The following UBXN8 variants were observed in gnomAD, a reference collection of about 807,000 sequenced individuals.
UBXN8 encodes UBX domain protein 8.
In UBXN8, 27 loss-of-function variants were observed where a neutral mutation model predicts 32.1. The ratio of observed to expected loss-of-function variants is 0.84; its 90% CI spans 0.62 to 1.16. The LOEUF (loss-of-function observed/expected upper bound fraction) is 1.16. UBXN8 is among the 50% of genes most tolerant of loss of function. UBXN8 has a pLI of 0.00. For missense variants in UBXN8, 306 were observed against 311.4 expected (o/e 0.98, Z 0.13); for synonymous variants, 109 against 111.8 (o/e 0.98, Z 0.16).
intron 6 of UBXN8, among the ~76,000 whole-genome samples, chr8:30,762,517 T>C (rs1805860994): frequency 6.6e-6 from 1 of 152,124 alleles, no homozygotes; most frequent in African/African-American, 2.4e-5. Flanking sequence ...CTCAGCCTCC[T>C]GAGTAGCTAA....
At chr8:30,741,454 C>CTTTT (rs565066061), upstream of UBXN8, among the ~76,000 whole-genome samples, 2,768 of 116,682 alleles carry the variant, frequency 0.024, 210 homozygotes, top group African/African-American at 0.087. Flanking sequence ...AAGCAATGTT[C>CTTTT]TTTTTTTTTT....
chr8:30,751,347 C>G, intron 1 of UBXN8, 49 bp from the exon 2 acceptor site: 3 of 1,501,760 alleles, frequency 2.0e-6, no homozygotes, highest in South Asian at 1.2e-5. Flanking sequence ...GACCTCATCT[C>G]TTAAAAAAAA....
At chr8:30,763,557 A>G (rs1038925187) in intron 7 of UBXN8, among the ~76,000 whole-genome samples, 1 of 152,106 alleles carries the variant, frequency 6.6e-6, no homozygotes. Context: ...CTGCATTCAC[A>G]TTTTACTCAT....
At chr8:30,732,341 A>T (rs1025088344), upstream of UBXN8, 1 of 398,188 alleles carries the variant, frequency 2.5e-6, no homozygotes, top group Non-Finnish European at 4.4e-6. Context: ...AAGGTGTCCA[A>T]GAAAAAAAGC....
At chr8:30,734,201 A>C (rs1805027792) in intron 1 of UBXN8, 1 of 152,236 alleles carries the variant, frequency 6.6e-6, no homozygotes, top group Non-Finnish European at 1.5e-5. Flanking sequence ...ACCACACCTC[A>C]ATTAGAATGG....
intron 1 of UBXN8, chr8:30,734,126 CAAAG>C (rs1178523879): frequency 1.3e-5 from 2 of 152,202 alleles, no homozygotes; most frequent in Non-Finnish European, 2.9e-5. Context: ...GCCCGGTAGG[CAAAG>C]GAAGGAAGGT....
chr8:30,733,561 C>T (rs1805014625), intron 1 of UBXN8, among the ~76,000 whole-genome samples: 1 of 152,200 alleles, frequency 6.6e-6, no homozygotes, highest in South Asian at 2.1e-4. Context: ...GCTCGAAAAG[C>T]AGCATCTGCC....
chr8:30,737,354 C>A (rs6987913), intron 1 of UBXN8, among the ~76,000 whole-genome samples: 37,665 of 151,882 alleles, frequency 0.25, 5,276 homozygotes, highest in African/African-American at 0.39. Flanking sequence ...ATGAGGCTCA[C>A]ACACATAATG....
At chr8:30,751,266 C>G (rs1805515132) in intron 1 of UBXN8, 130 bp from the exon 2 acceptor site, 1 of 689,604 alleles carries the variant, frequency 1.5e-6, no homozygotes, top group Non-Finnish European at 2.3e-6. Context: ...ATAATCCTAG[C>G]ACTTTGGGAG....
chr8:30,753,334 G>A (rs1805564555), intron 3 of UBXN8, among the ~76,000 whole-genome samples: 1 of 152,128 alleles, frequency 6.6e-6, no homozygotes, highest in Non-Finnish European at 1.5e-5. Flanking sequence ...TCGGCTCACT[G>A]CAATCTCCAC....
At chr8:30,743,955 C>A (rs1441221823), upstream of UBXN8, among the ~76,000 whole-genome samples, 2 of 152,252 alleles carry the variant, frequency 1.3e-5, no homozygotes, top group Admixed American at 6.5e-5. Context: ...AGCCCAGGCT[C>A]CTCTGGACAT....
Position 30,766,904 on chromosome 8 carries a change from T to C in UBXN8, c.*510T>C. The C allele has an allele frequency of 6.6e-6, 1 of 152,208 alleles. No individual in the cohort carries two copies. Among genetic ancestry groups the C allele is most frequent in the East Asian group, 1.9e-4 (1 of 5,188 alleles). 9.4% of individuals were successfully genotyped at this position (152,208 alleles called of 1,614,324 possible). A position where few individuals can be genotyped will look rare whatever the true frequency, so the allele number is the denominator to read the frequency against. ...AGTTTACTTAACTGATGTTTGCGATTTATATAATTTTGCCTTGTATTAAAT... is the reference window on the plus strand; with the variant it reads ...AGTTTACTTAACTGATGTTTGCGATCTATATAATTTTGCCTTGTATTAAAT... On this transcript the variant is annotated 3_prime_UTR_variant, in exon 8 of 8. Coordinates refer to ENST00000265616, the MANE Select transcript of UBXN8 (RefSeq NM_005671.4).
chr8:30,748,760 T>TA (rs1805430007), intron 1 of UBXN8, among the ~76,000 whole-genome samples: 1 of 152,072 alleles, frequency 6.6e-6, no homozygotes, highest in African/African-American at 2.4e-5. Context: ...AGGTTGGTCT[T>TA]AAAGTCCTGA....
At chr8:30,734,462 A>C (rs964012122) in intron 1 of UBXN8, 13 of 151,974 alleles carry the variant, frequency 8.6e-5, no homozygotes, top group African/African-American at 2.4e-4. Context: ...TCCACAAAAA[A>C]ATTAAAAATT....
At chr8:30,739,913 T>TG (rs2128752208), upstream of UBXN8, among the ~76,000 whole-genome samples, 1 of 152,078 alleles carries the variant, frequency 6.6e-6, no homozygotes, top group African/African-American at 2.4e-5. Context: ...TTTTTGCTTT[T>TG]TGTTTTGAGA....
intron 1 of UBXN8, among the ~76,000 whole-genome samples, chr8:30,735,271 A>C (rs141626694): frequency 7.7e-4 from 117 of 152,372 alleles, no homozygotes; most frequent in East Asian, 6.0e-3. Flanking sequence ...GCAGAGCAGG[A>C]ATTCAAATTC....
chr8:30,763,371 G>A, intron 7 of UBXN8, 24 bp downstream of exon 7: 1 of 1,608,068 alleles, frequency 6.2e-7, no homozygotes. Context: ...TTCACATTTT[G>A]AGAAATATCT....
At chr8:30,757,865 A>AT in intron 5 of UBXN8, among the ~76,000 whole-genome samples, 1 of 151,728 alleles carries the variant, frequency 6.6e-6, no homozygotes, top group Non-Finnish European at 1.5e-5. Context: ...GTCTCAAAAA[A>AT]AAAAAAAAAA....
intron 7 of UBXN8, 107 bp downstream of exon 7, chr8:30,763,454 A>G (rs1805917753): frequency 9.4e-7 from 1 of 1,061,530 alleles, no homozygotes; most frequent in Non-Finnish European, 1.4e-6. Flanking sequence ...TGCATCTCCC[A>G]TCAGGTATGG....
Sources: gnomAD v4.1 joint callset for allele counts (sites outside exome capture counted in the v4.1 genomes callset) on GRCh38, gnomAD v4.1.1 for gene constraint, MANE v1.5 for transcripts, NCBI Gene and HGNC (gene_info 2026-07-23, HGNC 2026-07-21) for gene names.